Variants in C19orf47 observed in about 807,000 individuals in gnomAD.
C19orf47 encodes the protein uncharacterized protein C19orf47.
Under a neutral mutation model 32.3 loss-of-function variants are expected in C19orf47, and 18 were observed. The ratio of observed to expected loss-of-function variants is 0.56; its 90% confidence interval spans 0.39 to 0.83. The LOEUF (loss-of-function observed/expected upper bound fraction) is 0.83. Ranked by LOEUF, C19orf47 falls within the 40% of genes least tolerant of loss-of-function variation. The probability of loss-of-function intolerance (pLI) is 0.00; values close to 1 mark genes in which losing one functional copy is unlikely to be tolerated. For missense variants in C19orf47, 484 were observed against 531.6 expected (o/e 0.91, Z 0.88); for synonymous variants, 202 against 211.1 (o/e 0.96, Z 0.37).
chr19:40,330,736 C>T (rs1433546801), intron 5 of C19orf47, among the ~76,000 whole-genome samples: 10 of 151,988 alleles, frequency 6.6e-5, no homozygotes, highest in African/African-American at 2.4e-5. Flanking sequence ...GTTGCCCAGG[C>T]TGGTCTCAAA....
intron 1 of C19orf47, among the ~76,000 whole-genome samples, chr19:40,344,026 C>T (rs1021746702): frequency 6.6e-6 from 1 of 151,424 alleles, no homozygotes; most frequent in African/African-American, 2.4e-5. Flanking sequence ...GAACTCCTGA[C>T]CTCAAGTGAT....
At chr19:40,314,514 T>C in the C19orf47 span, among the ~76,000 whole-genome samples, 7 of 152,138 alleles carry the variant, frequency 4.6e-5, no homozygotes, top group African/African-American at 1.4e-4. Flanking sequence ...CAGACTAATG[T>C]GAGTGACAAA....
chr19:40,307,567 A>G, the C19orf47 span, among the ~76,000 whole-genome samples: 1 of 151,982 alleles, frequency 6.6e-6, no homozygotes, highest in East Asian at 1.9e-4. Flanking sequence ...TTTTGTAGAG[A>G]CAGGGTTTTG....
At chr19:40,332,488 A>C (rs748165494) in intron 5 of C19orf47, 4 of 151,878 alleles carry the variant, frequency 2.6e-5, no homozygotes, top group Admixed American at 6.6e-5. Context: ...GTCTACTAAA[A>C]ATACAAAAAT....
At chr19:40,315,262 A>C (rs894325339), downstream of C19orf47, among the ~76,000 whole-genome samples, 1 of 152,212 alleles carries the variant, frequency 6.6e-6, no homozygotes, top group East Asian at 1.9e-4. Context: ...GTACCACCCC[A>C]ATGTCAGATG....
chr19:40,308,573 C>G, the C19orf47 span, among the ~76,000 whole-genome samples: 1 of 151,956 alleles, frequency 6.6e-6, no homozygotes, highest in African/African-American at 2.4e-5. Context: ...AAGCAATTCT[C>G]ATGCCTCAGC....
Position 40,326,495 on chromosome 19 carries a change from A to G in C19orf47, c.440-9T>C, listed in dbSNP as rs2077833248. 6.2e-7 allele frequency: 1 copy of G among 1,611,356 alleles called. No individual in the cohort carries two copies. Among genetic ancestry groups the G allele is most frequent in the Admixed American group, 1.7e-5 (1 of 59,984 alleles). On this transcript the variant is annotated splice_polypyrimidine_tract_variant and intron_variant, in intron 6 of 8. Coordinates refer to ENST00000683109, the MANE Select transcript of C19orf47 (RefSeq NM_001256441.2). ...CCGGCGGGCCAGGGCTGCTGGGGGA[A>G]GAAAGCAGGGGTATCAGCACTCTCT... is the stretch of plus-strand genomic sequence containing the variant.
Position 40,348,365 on chromosome 19 carries a change from C to A in C19orf47, c.-75G>T. 7.1e-7 allele frequency: 1 copy of A among 1,409,916 alleles called. No homozygotes were observed. Among genetic ancestry groups the A allele is most frequent in the Non-Finnish European group, 9.2e-7 (1 of 1,082,306 alleles). 87.3% of individuals were successfully genotyped at this position (1,409,916 alleles called of 1,614,324 possible). ...GCGCCCACTCGCGCCGCCCGCCCTCCCTCCCGGCGGCGCCAACTGTCAGAC... is the reference window on the plus strand; with the variant it reads ...GCGCCCACTCGCGCCGCCCGCCCTCACTCCCGGCGGCGCCAACTGTCAGAC... On this transcript the variant is annotated 5_prime_UTR_variant, in exon 1 of 9. Transcript: ENST00000683109.
At chr19:40,296,613 A>G in the C19orf47 span, among the ~76,000 whole-genome samples, 5 of 152,218 alleles carry the variant, frequency 3.3e-5, no homozygotes, top group Admixed American at 3.3e-4. Flanking sequence ...TAGAAAAGGT[A>G]CAATAAAAGA....
Position 40,320,310 on chromosome 19 carries a change from TC to T in C19orf47, c.*1571del, listed in dbSNP as rs1479043288. The T allele has an allele frequency of 6.4e-6, 1 of 155,732 alleles. No homozygotes were observed. The highest frequency in any genetic ancestry group is 1.9e-4 in the East Asian group (1 of 5,202). The allele number at this position is 155,732 out of a possible 1,614,324, so 9.6% of individuals were successfully genotyped here. ...ACATCCCAGCTCCAAATCCTCCCGA[TC>T]CAGCACTCCCGGGTCACTGTGCACA... On this transcript the variant is annotated 3_prime_UTR_variant, in exon 9 of 9. Coordinates refer to ENST00000683109, the MANE Select transcript of C19orf47 (RefSeq NM_001256441.2).
chr19:40,330,975 G>T (rs1354180007), intron 5 of C19orf47, among the ~76,000 whole-genome samples: 2 of 152,162 alleles, frequency 1.3e-5, no homozygotes, highest in Non-Finnish European at 2.9e-5. Flanking sequence ...ACTGGATTTG[G>T]GTGCTGGCTA....
chr19:40,322,764 T>C (rs1052491502), intron 8 of C19orf47, among the ~76,000 whole-genome samples: 9 of 152,250 alleles, frequency 5.9e-5, no homozygotes, highest in Non-Finnish European at 1.5e-5. Flanking sequence ...AATTCTATAT[T>C]GTACCTGGTC....
At chr19:40,325,871 C>T (rs1027050817) in intron 7 of C19orf47, among the ~76,000 whole-genome samples, 1 of 152,186 alleles carries the variant, frequency 6.6e-6, no homozygotes, top group African/African-American at 2.4e-5. Context: ...AACTCCTAGG[C>T]TCAAGCAATC....
At chr19:40,299,251 A>C in the C19orf47 span, among the ~76,000 whole-genome samples, 1 of 152,222 alleles carries the variant, frequency 6.6e-6, no homozygotes, top group South Asian at 2.1e-4. Context: ...TTTAATAATT[A>C]CCCTGGTGAT....
chr19:40,338,187 A>T (rs1475147730), intron 2 of C19orf47, among the ~76,000 whole-genome samples: 1 of 148,292 alleles, frequency 6.7e-6, no homozygotes, highest in Non-Finnish European at 1.5e-5. Context: ...CGATCTTCCC[A>T]CCTCAGCTTC....
At chr19:40,326,038 T>C (rs755873918) in intron 7 of C19orf47, among the ~76,000 whole-genome samples, 1 of 152,226 alleles carries the variant, frequency 6.6e-6, no homozygotes, top group Non-Finnish European at 1.5e-5. Flanking sequence ...TTTGGGGTAT[T>C]TGCCCTTGGC....
downstream of C19orf47, among the ~76,000 whole-genome samples, chr19:40,317,314 CAG>C (rs2077668616): frequency 6.6e-6 from 1 of 152,116 alleles, no homozygotes; most frequent in South Asian, 2.1e-4. Context: ...GCCTAACAGA[CAG>C]GGCATGGTGG....
At chr19:40,301,313 T>TTTTATTTA in the C19orf47 span, among the ~76,000 whole-genome samples, 6,600 of 140,234 alleles carry the variant, frequency 0.047, 230 homozygotes, top group African/African-American at 0.086. Flanking sequence ...CTTGAGAGGC[T>TTTTATTTA]TTTATTTATT....
chr19:40,316,781 AC>A (rs2077664799), downstream of C19orf47, among the ~76,000 whole-genome samples: 1 of 152,106 alleles, frequency 6.6e-6, no homozygotes, highest in African/African-American at 2.4e-5. Flanking sequence ...CTTCGAAGTC[AC>A]CCCTGAATTG....
Sources: gnomAD v4.1 joint callset for allele counts (sites outside exome capture counted in the v4.1 genomes callset) on GRCh38, gnomAD v4.1.1 for gene constraint, MANE v1.5 for transcripts, NCBI Gene and HGNC (gene_info 2026-07-23, HGNC 2026-07-21) for gene names.